Variants in LRRC75A observed in about 807,000 individuals in gnomAD.
LRRC75A encodes leucine rich repeat containing 75A.
LRRC75A carries 12 observed loss-of-function variants against 26.0 expected under a neutral mutation model. That is an observed-to-expected ratio of 0.46 (90% confidence interval 0.30 to 0.75). LRRC75A has a LOEUF of 0.75. LRRC75A is among the 30% of genes least tolerant of loss of function. The pLI is 0.08. For synonymous variants in LRRC75A, 223 were observed against 219.3 expected, an observed-to-expected ratio of 1.02 and a Z score of -0.15; for missense variants, 410 against 486.6, an observed-to-expected ratio of 0.84 and a Z score of 1.48.
At chr17:16,452,656 G>A (rs979068248) in intron 2 of LRRC75A, among the ~76,000 whole-genome samples, 1 of 151,904 alleles carries the variant, frequency 6.6e-6, no homozygotes, top group Non-Finnish European at 1.5e-5. Flanking sequence ...GCCTGGTCTC[G>A]AACTCCTGAC....
Position 16,441,579 on chromosome 17 carries a change from T to TG in LRRC75A, c.*2008_*2009insC. ...TTACATTCTTGAGTTTTTTTGGGTT[T>TG]TTTTTTTTTTTTTTGAGACAGTCTT... On this transcript the variant is annotated 3_prime_UTR_variant, in exon 4 of 4. Transcript: ENST00000470794. The TG allele has an allele frequency of 3.1e-6, 1 of 326,942 alleles. No homozygotes were observed. The highest frequency in any genetic ancestry group is 6.0e-6 in the Non-Finnish European group (1 of 166,388). The allele number at this position is 326,942 out of a possible 1,614,324, so 20.3% of individuals were successfully genotyped here.
intron 2 of LRRC75A, among the ~76,000 whole-genome samples, chr17:16,456,474 AGAAGAGGAGGAGGAAGAG>A (rs1378954803): frequency 1.8e-5 from 2 of 111,098 alleles, no homozygotes; most frequent in South Asian, 2.8e-4. Flanking sequence ...AGAAGGAGAA[AGAAGAGGAGGAGGAAGAG>A]GAAGAGGAGG....
At chr17:16,480,648 A>AAC (rs1372076910) in intron 1 of LRRC75A, among the ~76,000 whole-genome samples, 2 of 151,696 alleles carry the variant, frequency 1.3e-5, no homozygotes, top group African/African-American at 4.8e-5. Flanking sequence ...AAAAACAAAA[A>AAC]AAAAAAACTG....
At position 16,462,108 on chromosome 17, in the gene LRRC75A, G is replaced by A; in HGVS notation, c.375+150C>T. The A allele has an allele frequency of 2.0e-6, 2 of 985,924 alleles. No homozygotes were observed. Among genetic ancestry groups the A allele is most frequent in the Non-Finnish European group, 2.9e-6 (2 of 682,156 alleles). The allele number at this position is 985,924 out of a possible 1,614,324, so 61.1% of individuals were successfully genotyped here. A position where few individuals can be genotyped will look rare whatever the true frequency, so the allele number is the denominator to read the frequency against. On this transcript the variant is annotated intron_variant, in intron 2 of 3. Coordinates refer to ENST00000470794, the MANE Select transcript of LRRC75A (RefSeq NM_001113567.3). This position sits in a 1 kb window ranked among gnomAD's most constrained non-coding sequence, Gnocchi z 4.6. The stretch of plus-strand genomic sequence containing the variant: ...CCAATCTGTGCTAGTGGCACCAAGG[G>A]AGAGCACCTCAAGCTCTTGGTGCCT...
chr17:16,452,185 C>CAAA (rs71152808), intron 2 of LRRC75A, among the ~76,000 whole-genome samples: 21 of 80,232 alleles, frequency 2.6e-4, no homozygotes, highest in South Asian at 2.0e-3. Flanking sequence ...GACTTGCTCT[C>CAAA]AAAAAAAAAA....
chr17:16,460,811 T>C (rs796279328), intron 2 of LRRC75A: 5 of 152,432 alleles, frequency 3.3e-5, no homozygotes, highest in African/African-American at 1.2e-4. Context: ...AGCAACTCCA[T>C]TGCTGCTCTA....
At chr17:16,475,903 T>A (rs779943540) in intron 1 of LRRC75A, among the ~76,000 whole-genome samples, 3 of 152,120 alleles carry the variant, frequency 2.0e-5, no homozygotes, top group African/African-American at 7.2e-5. Context: ...AAAAATTAGC[T>A]GGGTGTTGGC....
intron 1 of LRRC75A, among the ~76,000 whole-genome samples, chr17:16,464,862 G>A (rs551877439): frequency 1.3e-5 from 2 of 152,352 alleles, no homozygotes; most frequent in African/African-American, 4.8e-5. Context: ...TGGGGACACA[G>A]GAAGGCCGAA....
At chr17:16,451,481 C>T (rs925718633) in intron 2 of LRRC75A, among the ~76,000 whole-genome samples, 1 of 151,826 alleles carries the variant, frequency 6.6e-6, no homozygotes, top group Non-Finnish European at 1.5e-5. Context: ...ATTAGCTGGG[C>T]GTGACGGCGG....
At position 16,487,912 on chromosome 17, in the gene LRRC75A, G is replaced by A. The variant is rs7215443; in HGVS notation, c.246+3833C>T. Among the ~76,000 whole-genome samples the A allele has an allele frequency of 2.5e-3, 382 of 152,310 alleles. 5 individuals are homozygous for A. The highest frequency in any genetic ancestry group is 8.9e-3 in the African/African-American group (371 of 41,576). On this transcript the variant is annotated intron_variant, in intron 1 of 3. Coordinates refer to ENST00000470794, the MANE Select transcript of LRRC75A (RefSeq NM_001113567.3). ...GCTTAAGAGGTGTGCGCCACACTTC[G>A]AGTAAACCAACCCCATCAGCCTCTT...
chr17:16,464,162 A>G (rs564150527), intron 1 of LRRC75A, among the ~76,000 whole-genome samples: 46 of 152,238 alleles, frequency 3.0e-4, no homozygotes, highest in Admixed American at 3.0e-3. Flanking sequence ...TGTTTTCCAT[A>G]TGGCAGGAAT....
At chr17:16,445,704 T>C (rs1213525397) in intron 3 of LRRC75A, among the ~76,000 whole-genome samples, 1 of 152,238 alleles carries the variant, frequency 6.6e-6, no homozygotes, top group African/African-American at 2.4e-5. Context: ...AGGCGTGACA[T>C]TTAAATGCTT....
chr17:16,445,275 C>T (rs953066649), intron 3 of LRRC75A, among the ~76,000 whole-genome samples: 1 of 149,610 alleles, frequency 6.7e-6, no homozygotes, highest in African/African-American at 2.5e-5. Context: ...AAGCGATTCT[C>T]CTGCCTCAGC....
intron 1 of LRRC75A, among the ~76,000 whole-genome samples, chr17:16,481,094 G>A (rs1222721301): frequency 2.0e-5 from 3 of 152,242 alleles, no homozygotes; most frequent in East Asian, 1.9e-4. Context: ...CCTCCAGTGA[G>A]GGAGAGGGGC....
At chr17:16,460,572 C>T (rs1254648120) in intron 2 of LRRC75A, among the ~76,000 whole-genome samples, 1 of 152,206 alleles carries the variant, frequency 6.6e-6, no homozygotes, top group Non-Finnish European at 1.5e-5. Flanking sequence ...TCCTCCTGCC[C>T]CCATGGGCAC....
intron 1 of LRRC75A, among the ~76,000 whole-genome samples, chr17:16,486,615 A>G (rs1198911764): frequency 6.6e-6 from 1 of 152,210 alleles, no homozygotes; most frequent in African/African-American, 2.4e-5. Context: ...AGACTCTCCC[A>G]TCAGGCTCCG....
chr17:16,471,882 C>G (rs2093807468), intron 1 of LRRC75A, among the ~76,000 whole-genome samples: 1 of 152,024 alleles, frequency 6.6e-6, no homozygotes, highest in African/African-American at 2.4e-5. Flanking sequence ...TTCACAGAGA[C>G]AGAGGGTAAA....
At chr17:16,489,040 G>C (rs893003087) in intron 1 of LRRC75A, among the ~76,000 whole-genome samples, 1 of 152,164 alleles carries the variant, frequency 6.6e-6, no homozygotes, top group Non-Finnish European at 1.5e-5. Flanking sequence ...GGTTTCAGGG[G>C]CTTTGTGAAC....
At chr17:16,472,682 A>G (rs1568980058) in intron 1 of LRRC75A, among the ~76,000 whole-genome samples, 1 of 152,208 alleles carries the variant, frequency 6.6e-6, no homozygotes, top group Admixed American at 6.5e-5. Flanking sequence ...AGAGTATCTA[A>G]CAGATTGGCC....
Sources: gnomAD v4.1 joint callset for allele counts (sites outside exome capture counted in the v4.1 genomes callset) on GRCh38, gnomAD v4.1.1 for gene constraint, Gnocchi (gnomAD v3.1) non-coding constraint, MANE v1.5 for transcripts, NCBI Gene and HGNC (gene_info 2026-07-23, HGNC 2026-07-21) for gene names.